The following SYNJ2 variants were observed in gnomAD, a reference collection of about 807,000 sequenced individuals.
The protein encoded by SYNJ2 is synaptojanin 2.
Under a neutral mutation model 141.3 loss-of-function variants are expected in SYNJ2, and 116 were observed. The observed-to-expected ratio is 0.82, with a 90% CI of 0.71 to 0.96. The LOEUF (loss-of-function observed/expected upper bound fraction) is 0.96. Ranked by LOEUF, SYNJ2 falls within the 40% of genes least tolerant of loss-of-function variation. The pLI is 0.00. For missense variants in SYNJ2, 1,873 were observed against 1,934.8 expected, an observed-to-expected ratio of 0.97 and a Z score of 0.60; for synonymous variants, 745 against 777.7, an observed-to-expected ratio of 0.96 and a Z score of 0.70.
chr6:158,057,877 A>G (rs1191691433), intron 6 of SYNJ2, among the ~76,000 whole-genome samples: 1 of 152,230 alleles, frequency 6.6e-6, no homozygotes, highest in Non-Finnish European at 1.5e-5. Flanking sequence ...GAAGCCACAC[A>G]CAGCCCGCCC....
At chr6:157,989,792 C>T (rs1227836297) in intron 1 of SYNJ2, among the ~76,000 whole-genome samples, 1 of 152,176 alleles carries the variant, frequency 6.6e-6, no homozygotes, top group Non-Finnish European at 1.5e-5. Flanking sequence ...CCTGGCAAAC[C>T]CAGAACGTTA....
At chr6:158,092,725 G>A (rs186274738) in intron 25 of SYNJ2, among the ~76,000 whole-genome samples, 17 of 152,064 alleles carry the variant, frequency 1.1e-4, no homozygotes, top group African/African-American at 2.7e-4. Flanking sequence ...TGATCATGCC[G>A]CTGCACTCCG....
At chr6:158,034,345 C>A (rs920421958) in intron 4 of SYNJ2, among the ~76,000 whole-genome samples, 2 of 152,220 alleles carry the variant, frequency 1.3e-5, no homozygotes, top group African/African-American at 4.8e-5. Flanking sequence ...GAAAGGAAAA[C>A]CCCGGAAGGC....
At chr6:157,987,819 G>A (rs535631872) in intron 1 of SYNJ2, among the ~76,000 whole-genome samples, 92 of 152,372 alleles carry the variant, frequency 6.0e-4, no homozygotes, top group South Asian at 1.2e-3. Flanking sequence ...GGCAGATTTC[G>A]TGTGGCCAGC....
rs187289680 is a variant in SYNJ2, at chr6:158,078,337, C to T, written c.2567+56C>T. 4.4e-5 allele frequency: 54 copies of T among 1,220,040 alleles called. No individual in the cohort carries two copies. The African/African-American group carries it at 7.4e-4, about 17-fold the overall frequency. The allele number at this position is 1,220,040 out of a possible 1,614,324, so 75.6% of individuals were successfully genotyped here. A position where few individuals can be genotyped will look rare whatever the true frequency, so the allele number is the denominator to read the frequency against. ...CTGTGCTGGGCAAGGCAGCGTCTCC[C>T]TCTCCGCAGGAAAATGCATGCTGTC... On this transcript the variant is annotated intron_variant, in intron 18 of 26. Coordinates refer to ENST00000355585, the MANE Select transcript of SYNJ2 (RefSeq NM_003898.4).
chr6:158,004,137 C>T (rs1341932159), intron 1 of SYNJ2, among the ~76,000 whole-genome samples: 1 of 152,140 alleles, frequency 6.6e-6, no homozygotes, highest in African/African-American at 2.4e-5. Context: ...AACCCTTGAC[C>T]CCACACGCCA....
At position 158,076,834 on chromosome 6, in the gene SYNJ2, G is replaced by A. The variant is rs571516818; in HGVS notation, c.2449+52G>A. The A allele has an allele frequency of 1.7e-5, 26 of 1,554,220 alleles. No individual in the cohort carries two copies. In the Middle Eastern group the frequency reaches 8.8e-4, roughly 52 times the overall value. ...TCGGCAGAGGGTGAATAAGAAATGC[G>A]ACGGAGGGAGAGTCACGTTTACCCA... is the stretch of plus-strand genomic sequence containing the variant. On this transcript the variant is annotated intron_variant, in intron 17 of 26. Coordinates refer to ENST00000355585, the MANE Select transcript of SYNJ2 (RefSeq NM_003898.4).
chr6:158,057,933 G>A (rs2128358900), intron 6 of SYNJ2, among the ~76,000 whole-genome samples: 1 of 152,380 alleles, frequency 6.6e-6, no homozygotes, highest in African/African-American at 2.4e-5. Flanking sequence ...CCGGGAGGGT[G>A]CTCACCCTTA....
At chr6:158,066,750 C>T (rs1186560859) in intron 12 of SYNJ2, 115 bp downstream of exon 12, 2 of 1,206,978 alleles carry the variant, frequency 1.7e-6, no homozygotes, top group African/African-American at 3.0e-5. Flanking sequence ...GTCTTCCCTC[C>T]TCACAATGTC....
At chr6:157,996,241 C>T (rs1777626260) in intron 1 of SYNJ2, among the ~76,000 whole-genome samples, 1 of 152,182 alleles carries the variant, frequency 6.6e-6, no homozygotes, top group Admixed American at 6.5e-5. Context: ...CCTTCCTCAG[C>T]CTCATCCAAC....
chr6:158,062,148 G>T lies in SYNJ2; in HGVS notation c.1111G>T (p.Glu371Ter). 6.2e-7 allele frequency: 1 copy of T among 1,613,756 alleles called. No homozygotes were observed. The highest frequency in any genetic ancestry group is 8.5e-7 in the Non-Finnish European group (1 of 1,179,900). The change falls in exon 8 of 27, where the codon GAG (glutamate) becomes TAG (stop). Residue 371 changes from glutamate (E) to a stop codon, truncating the protein, a stop_gained. Coordinates refer to ENST00000355585, the MANE Select transcript of SYNJ2 (RefSeq NM_003898.4). LOFTEE classifies it high-confidence loss of function. ...WEDFDVFTKG[E>*]NVSPRFQKGT... ...AGACTTCGATGTGTTCACAAAGGGGGAGAACGTCAGTCCACGGTGAGGCTC... is the reference window on the plus strand; with the variant it reads ...AGACTTCGATGTGTTCACAAAGGGGTAGAACGTCAGTCCACGGTGAGGCTC...
At chr6:158,087,098 C>T in intron 23 of SYNJ2, 109 bp downstream of exon 23, 1 of 1,304,546 alleles carries the variant, frequency 7.7e-7, no homozygotes, top group Non-Finnish European at 1.1e-6. Context: ...CCTTCCGGTC[C>T]CCACAGGGCT....
intron 18 of SYNJ2, among the ~76,000 whole-genome samples, chr6:158,080,068 T>C (rs1782574810): frequency 6.6e-6 from 1 of 152,220 alleles, no homozygotes; most frequent in African/African-American, 2.4e-5. Context: ...ACTATAAGGA[T>C]TGCATTATTT....
At chr6:158,024,702 G>A (rs1778947487) in intron 2 of SYNJ2, among the ~76,000 whole-genome samples, 1 of 152,190 alleles carries the variant, frequency 6.6e-6, no homozygotes, top group Non-Finnish European at 1.5e-5. Flanking sequence ...GGGCTGATGG[G>A]GTGATCAGAA....
In SYNJ2 at chr6:158,070,603, G is replaced by A; in HGVS notation, c.1940+930G>A. 1.2e-5 allele frequency: 9 copies of A among 744,840 alleles called. No individual in the cohort carries two copies. Among genetic ancestry groups the A allele is most frequent in the Non-Finnish European group, 1.5e-5 (9 of 610,704 alleles). 46.1% of individuals were successfully genotyped at this position (744,840 alleles called of 1,614,324 possible). A position where few individuals can be genotyped will look rare whatever the true frequency, so the allele number is the denominator to read the frequency against. ...AGGAGAGCCAGGTTTCCCAGGCTCG[G>A]TGTCCTCGGCTTCACGTGCCTTTAG... is the stretch of plus-strand genomic sequence containing the variant. On this transcript the variant is annotated intron_variant, in intron 14 of 26. Coordinates refer to ENST00000355585, the MANE Select transcript of SYNJ2 (RefSeq NM_003898.4). The surrounding 1 kb of genome is among the most constrained non-coding windows in gnomAD (Gnocchi z 4.0).
At chr6:158,037,894 A>G (rs967489306) in intron 4 of SYNJ2, among the ~76,000 whole-genome samples, 1 of 152,336 alleles carries the variant, frequency 6.6e-6, no homozygotes, top group African/African-American at 2.4e-5. Flanking sequence ...CTCTCGCTGC[A>G]ATCTTTGCTT....
intron 25 of SYNJ2, among the ~76,000 whole-genome samples, chr6:158,090,556 T>C (rs182020741): frequency 6.7e-6 from 1 of 149,328 alleles, no homozygotes; most frequent in Non-Finnish European, 1.5e-5. Flanking sequence ...TTTTTTTTTT[T>C]TTTTTTGAGA....
At chr6:158,047,255 G>A (rs941694868) in intron 5 of SYNJ2, among the ~76,000 whole-genome samples, 2 of 152,082 alleles carry the variant, frequency 1.3e-5, no homozygotes, top group Non-Finnish European at 2.9e-5. Flanking sequence ...AAGCTTCCCC[G>A]CAGCCACCAC....
intron 21 of SYNJ2, among the ~76,000 whole-genome samples, 157 bp from the exon 22 acceptor site, chr6:158,083,844 A>G (rs758880793): frequency 4.6e-5 from 7 of 152,140 alleles, no homozygotes; most frequent in African/African-American, 4.8e-5. Flanking sequence ...GGGTGTACCA[A>G]TGGAACTGGG....
Sources: gnomAD v4.1 joint callset for allele counts (sites outside exome capture counted in the v4.1 genomes callset) on GRCh38, gnomAD v4.1.1 for gene constraint, Gnocchi (gnomAD v3.1) non-coding constraint, MANE v1.5 for transcripts, NCBI Gene and HGNC (gene_info 2026-07-23, HGNC 2026-07-21) for gene names.